PTPRD: variants seen among roughly 807,000 people sequenced by gnomAD.
The protein encoded by PTPRD is protein tyrosine phosphatase receptor type D, also known as receptor-type tyrosine-protein phosphatase delta.
A neutral mutation model predicts 214.5 loss-of-function variants in PTPRD; 34 were observed. The observed-to-expected ratio is 0.16, with a 90% CI of 0.12 to 0.21. PTPRD has a LOEUF of 0.21. Ranked by LOEUF, PTPRD falls within the 10% of genes least tolerant of loss-of-function variation. PTPRD has a pLI of 1.00. For synonymous variants in PTPRD, 1,128 were observed against 845.7 expected (o/e 1.33, Z -5.79); for missense variants, 2,545 against 2,398.7 (o/e 1.06, Z -1.27).
Position 9,285,231 on chromosome 9 carries a change from C to G in PTPRD, c.-202-101868G>C, listed in dbSNP as rs150869805. Among the ~76,000 whole-genome samples, 237 of 151,778 alleles carry G rather than the reference C, an allele frequency of 1.6e-3. 1 individual carries two copies. Among genetic ancestry groups the G allele is most frequent in the Non-Finnish European group, 2.9e-3 (200 of 67,812 alleles). On this transcript the variant is annotated intron_variant, in intron 9 of 45. Coordinates refer to ENST00000381196, the MANE Select transcript of PTPRD (RefSeq NM_002839.4). ...TCTGAAAATAGTACTTGTCTTGTCACTTTTTCTGCATTCTTAAAATAAGAC... is the reference window on the plus strand; with the variant it reads ...TCTGAAAATAGTACTTGTCTTGTCAGTTTTTCTGCATTCTTAAAATAAGAC...
At chr9:9,007,603 C>T (rs1282651619) in intron 11 of PTPRD, among the ~76,000 whole-genome samples, 15 of 151,894 alleles carry the variant, frequency 9.9e-5, no homozygotes, top group Admixed American at 9.9e-4. Flanking sequence ...ATTCCTTTCT[C>T]AGAGACCATC....
intron 3 of PTPRD, among the ~76,000 whole-genome samples, chr9:10,262,806 G>A (rs1297557083): frequency 6.6e-6 from 1 of 152,102 alleles, no homozygotes; most frequent in Admixed American, 6.5e-5. Context: ...CAGACCCTTT[G>A]CACACTGATG....
intron 9 of PTPRD, among the ~76,000 whole-genome samples, chr9:9,292,841 GC>G (rs1951648702): frequency 6.8e-6 from 1 of 147,036 alleles, no homozygotes; most frequent in South Asian, 2.2e-4. Flanking sequence ...AATTTTCTGA[GC>G]TTTTTTGTTT....
chr9:9,467,932 C>CA (rs1238371430), intron 8 of PTPRD, among the ~76,000 whole-genome samples: 1 of 152,066 alleles, frequency 6.6e-6, no homozygotes, highest in African/African-American at 2.4e-5. Flanking sequence ...CACACATGTT[C>CA]ATAAGACAGG....
intron 9 of PTPRD, among the ~76,000 whole-genome samples, chr9:9,249,556 T>A (rs1421934841): frequency 6.6e-6 from 1 of 152,106 alleles, no homozygotes; most frequent in Non-Finnish European, 1.5e-5. Flanking sequence ...TCCATTTTTG[T>A]CTATGTCTCT....
chr9:9,633,161 G>A (rs914613936), intron 7 of PTPRD, among the ~76,000 whole-genome samples: 1 of 151,960 alleles, frequency 6.6e-6, no homozygotes, highest in African/African-American at 2.4e-5. Flanking sequence ...CATGTGTGAG[G>A]GTGGGCGCCT....
chr9:9,444,095 A>G (rs1407572828), intron 8 of PTPRD, among the ~76,000 whole-genome samples: 1 of 152,168 alleles, frequency 6.6e-6, no homozygotes, highest in Non-Finnish European at 1.5e-5. Context: ...AACACTGTAT[A>G]ATCAACTTGA....
intron 10 of PTPRD, among the ~76,000 whole-genome samples, chr9:9,138,757 G>A (rs7038697): frequency 0.38 from 57,085 of 151,792 alleles, 10,838 homozygotes; most frequent in South Asian, 0.47. Flanking sequence ...TTAACACAGA[G>A]TTGTTTATCT....
chr9:10,322,254 G>C (rs2096566281), intron 3 of PTPRD, among the ~76,000 whole-genome samples: 1 of 151,958 alleles, frequency 6.6e-6, no homozygotes, highest in African/African-American at 2.4e-5. Flanking sequence ...ATGATAAAAT[G>C]GTGCAGTGTT....
chr9:9,405,726 A>G (rs2073030705), intron 8 of PTPRD, among the ~76,000 whole-genome samples: 1 of 151,996 alleles, frequency 6.6e-6, no homozygotes, highest in Non-Finnish European at 1.5e-5. Context: ...TCGAATTTTT[A>G]TCCTGTACCT....
chr9:8,640,313 C>T (rs2096545816), intron 12 of PTPRD, among the ~76,000 whole-genome samples: 1 of 152,004 alleles, frequency 6.6e-6, no homozygotes, highest in Admixed American at 6.5e-5. Flanking sequence ...CACGCCACTG[C>T]ACTACAACCT....
chr9:8,455,411 C>A (rs1300731287), intron 33 of PTPRD, among the ~76,000 whole-genome samples: 1 of 152,224 alleles, frequency 6.6e-6, no homozygotes, highest in Middle Eastern at 3.4e-3. Context: ...TGTAAATAAC[C>A]ATATTATTTC....
intron 8 of PTPRD, among the ~76,000 whole-genome samples, chr9:9,432,378 T>C (rs2083542711): frequency 6.6e-6 from 1 of 152,160 alleles, no homozygotes; most frequent in Non-Finnish European, 1.5e-5. Context: ...TTAGTTAATA[T>C]GGTGAGCCAA....
intron 7 of PTPRD, among the ~76,000 whole-genome samples, chr9:9,724,752 C>G (rs574086929): frequency 1.3e-5 from 2 of 152,278 alleles, no homozygotes; most frequent in African/African-American, 4.8e-5. Context: ...TTTACAACTG[C>G]TCTTTAAGGT....
At chr9:8,914,073 GAA>G (rs1031226637) in intron 11 of PTPRD, among the ~76,000 whole-genome samples, 1 of 152,098 alleles carries the variant, frequency 6.6e-6, no homozygotes, top group Admixed American at 6.6e-5. Context: ...TACTAAAATT[GAA>G]AGTCAGTGCT....
intron 5 of PTPRD, among the ~76,000 whole-genome samples, chr9:9,792,281 C>G (rs1489868373): frequency 6.6e-6 from 1 of 152,060 alleles, no homozygotes; most frequent in African/African-American, 2.4e-5. Context: ...AGCACTGAAC[C>G]ACTTGCCAAT....
chr9:9,018,331 G>A (rs2099545053), intron 11 of PTPRD, among the ~76,000 whole-genome samples: 1 of 152,106 alleles, frequency 6.6e-6, no homozygotes, highest in South Asian at 2.1e-4. Context: ...GTCACACTAA[G>A]ACAATTTTTA....
rs1303226473 is a variant in PTPRD, at chr9:8,632,203, C to T, written c.352+1114G>A. Among the ~76,000 whole-genome samples, 9 of 150,664 alleles carry T rather than the reference C, an allele frequency of 6.0e-5. No homozygotes were observed. In the Admixed American group the frequency reaches 6.0e-4, roughly 10 times the overall value. On this transcript the variant is annotated intron_variant, in intron 14 of 45. Transcript: ENST00000381196. Reference sequence around the variant, plus strand: ...CACCAGGTAAATTTGACCTACATTACTAATTACTGCTGGCCTCCAAATAAA... The same window carrying T: ...CACCAGGTAAATTTGACCTACATTATTAATTACTGCTGGCCTCCAAATAAA...
chr9:9,874,163 A>T lies in PTPRD; in HGVS notation c.-368+64344T>A, dbSNP rs150846125. 6.7e-3 allele frequency among the ~76,000 whole-genome samples: 1,017 copies of T among 152,292 alleles called. 8 individuals carry two copies. Among genetic ancestry groups the T allele is most frequent in the African/African-American group, 0.024 (977 of 41,564 alleles). On this transcript the variant is annotated intron_variant, in intron 5 of 45. Coordinates refer to ENST00000381196, the MANE Select transcript of PTPRD (RefSeq NM_002839.4). ...AAGGGTAAATTACTATGTATAATAA[A>T]TGAACAGAAGCCTGTCAAGGGGACA...
Sources: gnomAD v4.1 joint callset for allele counts (sites outside exome capture counted in the v4.1 genomes callset) on GRCh38, gnomAD v4.1.1 for gene constraint, MANE v1.5 for transcripts, NCBI Gene and HGNC (gene_info 2026-07-23, HGNC 2026-07-21) for gene names.